SGCD: variants seen among roughly 807,000 people sequenced by gnomAD.
SGCD encodes delta-sarcoglycan.
SGCD carries 18 observed loss-of-function variants against 36.6 expected under a neutral mutation model. The observed-to-expected ratio is 0.49, with a 90% CI of 0.34 to 0.73. The LOEUF (loss-of-function observed/expected upper bound fraction) is 0.73. SGCD is among the 30% of genes least tolerant of loss of function. The pLI is 0.01. For synonymous variants in SGCD, 133 were observed against 130.6 expected (o/e 1.02, Z -0.12); for missense variants, 387 against 346.7 (o/e 1.12, Z -0.92).
intron 3 of SGCD, among the ~76,000 whole-genome samples, chr5:156,345,987 A>G (rs535277428): frequency 1.3e-5 from 2 of 151,870 alleles, no homozygotes; most frequent in East Asian, 3.9e-4. Flanking sequence ...TGTATCTCTT[A>G]TTATATTTAC....
intron 3 of SGCD, among the ~76,000 whole-genome samples, chr5:156,488,584 A>C (rs1052062150): frequency 6.6e-6 from 1 of 152,186 alleles, no homozygotes; most frequent in African/African-American, 2.4e-5. Context: ...TAAAAGAGAA[A>C]TATTTCTCAG....
chr5:156,494,033 C>T (rs11960617), intron 3 of SGCD, among the ~76,000 whole-genome samples: 2,728 of 152,042 alleles, frequency 0.018, 72 homozygotes, highest in African/African-American at 0.061. Context: ...ATTGGCATGG[C>T]GGGGTGTCAC....
At chr5:156,741,564 G>C (rs1756674833) in intron 7 of SGCD, among the ~76,000 whole-genome samples, 1 of 149,598 alleles carries the variant, frequency 6.7e-6, no homozygotes, top group Admixed American at 6.6e-5. Flanking sequence ...TCGTAAACCT[G>C]GGAGAGATGA....
At chr5:155,806,771 A>C in the SGCD span, among the ~76,000 whole-genome samples, 1 of 152,194 alleles carries the variant, frequency 6.6e-6, no homozygotes, top group Non-Finnish European at 1.5e-5. Flanking sequence ...GAAATAATAG[A>C]AATCCTGTGT....
At chr5:156,750,728 C>CAGAT (rs1337837168) in intron 7 of SGCD, among the ~76,000 whole-genome samples, 1 of 151,314 alleles carries the variant, frequency 6.6e-6, no homozygotes, top group East Asian at 1.9e-4. Flanking sequence ...AAATAACCTA[C>CAGAT]AGATAGATTA....
intron 5 of SGCD, among the ~76,000 whole-genome samples, chr5:156,590,697 A>C (rs1174540408): frequency 6.6e-6 from 1 of 152,078 alleles, no homozygotes. Context: ...TAAATCTGGA[A>C]CTGCCCAAAT....
intron 3 of SGCD, among the ~76,000 whole-genome samples, chr5:156,129,327 T>G (rs1217288680): frequency 6.6e-6 from 1 of 152,202 alleles, no homozygotes; most frequent in African/African-American, 2.4e-5. Flanking sequence ...AATGTACAGA[T>G]GTAGAAACTG....
chr5:156,100,930 C>G (rs551922881), intron 1 of SGCD, among the ~76,000 whole-genome samples: 15 of 152,200 alleles, frequency 9.9e-5, no homozygotes, highest in African/African-American at 3.6e-4. Flanking sequence ...TTTGTCAAAG[C>G]CTAAATCCCC....
chr5:155,785,202 G>C, the SGCD span, among the ~76,000 whole-genome samples: 1 of 152,072 alleles, frequency 6.6e-6, no homozygotes, highest in African/African-American at 2.4e-5. Flanking sequence ...TGCACACATT[G>C]AAATACTAAA....
chr5:156,073,848 T>C (rs894010500), intron 1 of SGCD, among the ~76,000 whole-genome samples: 2 of 152,228 alleles, frequency 1.3e-5, no homozygotes, highest in South Asian at 2.1e-4. Context: ...ATATGTTCAG[T>C]TGAAAGAGTT....
chr5:156,425,580 A>C (rs892606776), intron 3 of SGCD, among the ~76,000 whole-genome samples: 3 of 151,200 alleles, frequency 2.0e-5, no homozygotes, highest in Non-Finnish European at 4.4e-5. Flanking sequence ...TAATTTCCAT[A>C]GTTTTGGGGG....
chr5:156,101,937 T>TGA (rs1761528498), intron 1 of SGCD, among the ~76,000 whole-genome samples: 2 of 149,728 alleles, frequency 1.3e-5, no homozygotes, highest in African/African-American at 5.0e-5. Context: ...TGTGTGTGTG[T>TGA]GTGTGAGAGA....
intron 3 of SGCD, among the ~76,000 whole-genome samples, chr5:156,280,985 G>A (rs571823780): frequency 3.9e-5 from 6 of 152,234 alleles, no homozygotes; most frequent in South Asian, 4.2e-4. Context: ...ATAAAAACCC[G>A]ATACAGTATA....
At chr5:156,005,724 A>G (rs976601998) in intron 1 of SGCD, among the ~76,000 whole-genome samples, 1 of 152,200 alleles carries the variant, frequency 6.6e-6, no homozygotes, top group African/African-American at 2.4e-5. Flanking sequence ...TGCTAGGATT[A>G]CAGGCGTGAG....
chr5:156,154,404 A>G (rs919010828), intron 3 of SGCD, among the ~76,000 whole-genome samples: 29 of 151,732 alleles, frequency 1.9e-4, no homozygotes, highest in Non-Finnish European at 3.7e-4. Flanking sequence ...CTGAATACAT[A>G]ATATCTGAGA....
At chr5:155,887,922 C>A (rs1026624549) in intron 1 of SGCD, among the ~76,000 whole-genome samples, 3 of 152,162 alleles carry the variant, frequency 2.0e-5, no homozygotes, top group Non-Finnish European at 2.9e-5. Flanking sequence ...CTTATTTAAT[C>A]CTCTCTTGAT....
chr5:155,973,548 T>A (rs1271042232), intron 1 of SGCD, among the ~76,000 whole-genome samples: 1 of 152,156 alleles, frequency 6.6e-6, no homozygotes, highest in Admixed American at 6.5e-5. Context: ...ATGAAAATGA[T>A]CAGACAAGTA....
chr5:156,565,408 C>T (rs1759436200), intron 4 of SGCD, among the ~76,000 whole-genome samples: 1 of 152,134 alleles, frequency 6.6e-6, no homozygotes, highest in Non-Finnish European at 1.5e-5. Flanking sequence ...TCTCTTTCAA[C>T]TCATATCATA....
the SGCD span, among the ~76,000 whole-genome samples, chr5:155,813,766 C>T: frequency 2.0e-5 from 3 of 152,124 alleles, no homozygotes; most frequent in Admixed American, 6.5e-5. Flanking sequence ...GTCTGGTAGC[C>T]TCTTCATGTA....
Sources: allele counts gnomAD v4.1 joint callset (sites outside exome capture counted in the v4.1 genomes callset), GRCh38; gene constraint gnomAD v4.1.1; transcripts MANE v1.5; gene names NCBI Gene and HGNC (gene_info 2026-07-23, HGNC 2026-07-21).